CCDC170: variants seen among roughly 807,000 people sequenced by gnomAD.
The protein encoded by CCDC170 is coiled-coil domain-containing protein 170.
Under a neutral mutation model 72.6 loss-of-function variants are expected in CCDC170, and 69 were observed. The observed-to-expected ratio is 0.95, with a 90% CI of 0.78 to 1.16. The LOEUF (loss-of-function observed/expected upper bound fraction) is 1.16. CCDC170 is among the 50% of genes most tolerant of loss of function. The pLI is 0.00. For missense variants in CCDC170, 852 were observed against 832.5 expected, an observed-to-expected ratio of 1.02 and a Z score of -0.29; for synonymous variants, 300 against 303.9, an observed-to-expected ratio of 0.99 and a Z score of 0.13.
chr6:151,544,441 C>G lies in CCDC170; in HGVS notation c.444-131C>G, dbSNP rs1337111836. The G allele has an allele frequency of 4.5e-6, 4 of 898,022 alleles. No homozygotes were observed. In the East Asian group the frequency reaches 1.1e-4, roughly 24 times the overall value. The allele number at this position is 898,022 out of a possible 1,614,324, so 55.6% of individuals were successfully genotyped here. On this transcript the variant is annotated intron_variant, in intron 3 of 10. Coordinates refer to ENST00000239374, the MANE Select transcript of CCDC170 (RefSeq NM_025059.4). The stretch of plus-strand genomic sequence containing the variant: ...AGGGCTTCTGTGACAATAATTTGCT[C>G]TGTGTCTGGGAAACTGTGTTGTGTT...
chr6:151,607,846 C>T (rs1776809826), intron 9 of CCDC170, among the ~76,000 whole-genome samples: 1 of 152,250 alleles, frequency 6.6e-6, no homozygotes, highest in South Asian at 2.1e-4. Flanking sequence ...GTTTGGGGAT[C>T]TTTGAGCTTC....
chr6:151,548,205 A>G (rs1048223608), intron 4 of CCDC170, 99 bp from the exon 5 acceptor site: 10 of 1,078,846 alleles, frequency 9.3e-6, no homozygotes, highest in Middle Eastern at 3.4e-4. Flanking sequence ...GTGCTCTTAC[A>G]TTTTTCATAT....
At chr6:151,530,667 C>G (rs891124502) in intron 1 of CCDC170, among the ~76,000 whole-genome samples, 9 of 152,004 alleles carry the variant, frequency 5.9e-5, no homozygotes, top group African/African-American at 1.4e-4. Context: ...GTCTTGAACT[C>G]CTGACCTCAT....
At position 151,619,361 on chromosome 6, in the gene CCDC170, T is replaced by A. The variant is rs1777023718; in HGVS notation, c.*1214T>A. ...ATCAGGATTTTATTATGAATTCCTG[T>A]CACTTTCTGTTTTCCATTTAAATTT... On this transcript the variant is annotated 3_prime_UTR_variant, in exon 11 of 11. Coordinates refer to ENST00000239374, the MANE Select transcript of CCDC170 (RefSeq NM_025059.4). 6.6e-6 allele frequency: 1 copy of A among 152,216 alleles called. No homozygotes were observed. 9.4% of individuals were successfully genotyped at this position (152,216 alleles called of 1,614,324 possible).
At chr6:151,580,130 G>A (rs996147114) in intron 6 of CCDC170, among the ~76,000 whole-genome samples, 5 of 152,158 alleles carry the variant, frequency 3.3e-5, no homozygotes, top group Admixed American at 1.3e-4. Context: ...GTCTACAGAA[G>A]GCTTGCTTTT....
intron 3 of CCDC170, among the ~76,000 whole-genome samples, chr6:151,540,238 C>T (rs549361118): frequency 1.3e-5 from 2 of 152,144 alleles, no homozygotes; most frequent in African/African-American, 4.8e-5. Flanking sequence ...TGAGGGTCCT[C>T]TTTCTGGTTT....
chr6:151,572,649 G>GGTTTTTTTTTTTTTTTTTT (rs1776234680), intron 5 of CCDC170, among the ~76,000 whole-genome samples: 1 of 37,988 alleles, frequency 2.6e-5, no homozygotes, highest in African/African-American at 1.2e-4. Flanking sequence ...CCTTCTCTGT[G>GGTTTTTTTTTTTTTTTTTT]TTTTTTTTTT....
intron 1 of CCDC170, among the ~76,000 whole-genome samples, chr6:151,500,639 A>G (rs1781981412): frequency 6.6e-6 from 1 of 152,144 alleles, no homozygotes; most frequent in South Asian, 2.1e-4. Flanking sequence ...CTATATTAAT[A>G]TTATGCAAAA....
Position 151,591,401 on chromosome 6 carries a change from A to G in CCDC170, c.1294-1706A>G, listed in dbSNP as rs575784281. On this transcript the variant is annotated intron_variant, in intron 7 of 10. Coordinates refer to ENST00000239374, the MANE Select transcript of CCDC170 (RefSeq NM_025059.4). ...ATCAAGCAGAGGAAAACCTTTAAAT[A>G]GCTTTCTAACTGTAGACTGCTAAAA... Among the ~76,000 whole-genome samples, 271 of 152,306 alleles carry G rather than the reference A, an allele frequency of 1.8e-3. 1 individual carries two copies. Among genetic ancestry groups the G allele is most frequent in the African/African-American group, 6.3e-3 (262 of 41,572 alleles).
intron 6 of CCDC170, among the ~76,000 whole-genome samples, chr6:151,583,103 C>T (rs1384099151): frequency 6.6e-6 from 1 of 150,610 alleles, no homozygotes; most frequent in African/African-American, 2.5e-5. Context: ...AGTGATTCTC[C>T]TGTCTCAGCC....
intron 5 of CCDC170, among the ~76,000 whole-genome samples, chr6:151,558,566 T>C (rs927050822): frequency 1.3e-5 from 2 of 152,244 alleles, no homozygotes; most frequent in South Asian, 4.1e-4. Flanking sequence ...TTGATTTTTG[T>C]GTATGATGAG....
Position 151,499,529 on chromosome 6 carries a change from A to G in CCDC170, c.57+5344A>G, listed in dbSNP as rs59681359. On this transcript the variant is annotated intron_variant, in intron 1 of 10. Transcript: ENST00000239374. ...AAGTGGAATCAGACTGTATTTGACTATTCTAGGCATGCTGTATAAGTGGAA... is the reference window on the plus strand; with the variant it reads ...AAGTGGAATCAGACTGTATTTGACTGTTCTAGGCATGCTGTATAAGTGGAA... Among the ~76,000 whole-genome samples the G allele has an allele frequency of 4.2e-5, 4 of 94,774 alleles. 1 individual carries two copies. Among genetic ancestry groups the G allele is most frequent in the Non-Finnish European group, 7.7e-5 (4 of 51,642 alleles). The allele number at this position is 94,774 out of a possible 152,430, so 62.2% of individuals were successfully genotyped here.
intron 1 of CCDC170, among the ~76,000 whole-genome samples, chr6:151,495,109 A>T (rs545244873): frequency 1.3e-5 from 2 of 152,354 alleles, no homozygotes; most frequent in African/African-American, 4.8e-5. Context: ...GATTCAAAAC[A>T]TGAGTTGGAT....
Position 151,536,443 on chromosome 6 carries a change from T to A in CCDC170, c.183T>A (p.Ser61=). The A allele has an allele frequency of 6.2e-7, 1 of 1,614,020 alleles. No homozygotes were observed. Among genetic ancestry groups the A allele is most frequent in the Non-Finnish European group, 8.5e-7 (1 of 1,179,924 alleles). ...ATLVKFECAQ[S]ELQDLRSKML... is the part of the protein sequence containing the mutation. ...TGGTCAAATTTGAATGTGCTCAGTCTGAGGTAAGATAATGCATTTCCAGCA... is the reference window on the plus strand; with the variant it reads ...TGGTCAAATTTGAATGTGCTCAGTCAGAGGTAAGATAATGCATTTCCAGCA... Residue 61 remains serine (S), a synonymous_variant, in exon 2 of 11, where the codon TCT becomes TCA. Coordinates refer to ENST00000239374, the MANE Select transcript of CCDC170 (RefSeq NM_025059.4).
chr6:151,535,386 C>G (rs1051226585), intron 1 of CCDC170, among the ~76,000 whole-genome samples: 1 of 152,148 alleles, frequency 6.6e-6, no homozygotes, highest in Non-Finnish European at 1.5e-5. Context: ...ACTGCCATCT[C>G]TCGTCTCACA....
At chr6:151,521,278 G>C (rs956260518) in intron 1 of CCDC170, among the ~76,000 whole-genome samples, 5 of 152,152 alleles carry the variant, frequency 3.3e-5, no homozygotes, top group African/African-American at 1.2e-4. Context: ...ACCTATGCCT[G>C]TCCCAAAAAG....
At chr6:151,568,441 G>T (rs956633197) in intron 5 of CCDC170, among the ~76,000 whole-genome samples, 3 of 152,176 alleles carry the variant, frequency 2.0e-5, no homozygotes, top group African/African-American at 7.2e-5. Context: ...GGGAATGGGT[G>T]TGTGCATGTG....
At chr6:151,573,807 G>A (rs1776264217) in intron 6 of CCDC170, among the ~76,000 whole-genome samples, 3 of 152,156 alleles carry the variant, frequency 2.0e-5, no homozygotes, top group Admixed American at 2.0e-4. Context: ...AGAACAGCAT[G>A]GGAAAAAGCT....
At chr6:151,565,905 G>T (rs1329099845) in intron 5 of CCDC170, among the ~76,000 whole-genome samples, 1 of 152,002 alleles carries the variant, frequency 6.6e-6, no homozygotes, top group African/African-American at 2.4e-5. Context: ...TCTAATCTTA[G>T]CATGTGATGC....
Sources: allele counts gnomAD v4.1 joint callset (sites outside exome capture counted in the v4.1 genomes callset), GRCh38; gene constraint gnomAD v4.1.1; transcripts MANE v1.5; gene names NCBI Gene and HGNC (gene_info 2026-07-23, HGNC 2026-07-21).